Variants in CAND1 observed in about 807,000 individuals in gnomAD.
CAND1 encodes cullin-associated NEDD8-dissociated protein 1.
CAND1 carries 7 observed loss-of-function variants against 108.5 expected under a neutral mutation model. That is an observed-to-expected ratio of 0.06 (90% CI 0.04 to 0.12). The LOEUF is 0.12. Among genes scored for constraint, CAND1 ranks in the 10% least tolerant of loss-of-function variants. The probability of loss-of-function intolerance (pLI) is 1.00; values close to 1 mark genes in which losing one functional copy is unlikely to be tolerated. For missense variants in CAND1, 941 were observed against 1,448.7 expected (o/e 0.65, Z 5.69); for synonymous variants, 534 against 512.0 (o/e 1.04, Z -0.58).
intron 13 of CAND1, 48 bp downstream of exon 13, chr12:67,310,364 C>T (rs763112417): frequency 7.4e-7 from 1 of 1,353,832 alleles, no homozygotes; most frequent in Admixed American, 2.0e-5. Context: ...GAAGACTTTG[C>T]TAGAGCAACT....
chr12:67,280,681 T>G (rs2044611255), intron 1 of CAND1, among the ~76,000 whole-genome samples: 1 of 152,226 alleles, frequency 6.6e-6, no homozygotes, highest in South Asian at 2.1e-4. Flanking sequence ...AGAAATCACT[T>G]TTAAAACAAT....
chr12:67,288,033 A>AT (rs2044688722), intron 2 of CAND1, among the ~76,000 whole-genome samples: 1 of 151,652 alleles, frequency 6.6e-6, no homozygotes, highest in South Asian at 2.1e-4. Flanking sequence ...CTTGGCAAAT[A>AT]TTTTATATAT....
Position 67,316,815 on chromosome 12 carries a change from A to C in CAND1, c.*3985A>C, listed in dbSNP as rs1034499237. 6.6e-6 allele frequency: 1 copy of C among 152,174 alleles called. No individual in the cohort carries two copies. The highest frequency in any genetic ancestry group is 6.5e-5 in the Admixed American group (1 of 15,280). The allele number at this position is 152,174 out of a possible 1,614,324, so 9.4% of individuals were successfully genotyped here. A position where few individuals can be genotyped will look rare whatever the true frequency, so the allele number is the denominator to read the frequency against. ...CAGTAAGTAATGGTTGATGGATATT[A>C]AGTGATTTTAGTCTAGAATGCTCTC... is the stretch of plus-strand genomic sequence containing the variant. On this transcript the variant is annotated 3_prime_UTR_variant, in exon 15 of 15. Transcript: ENST00000545606.
chr12:67,299,583 A>G (rs760482384), intron 7 of CAND1, among the ~76,000 whole-genome samples: 4 of 152,158 alleles, frequency 2.6e-5, no homozygotes, highest in Non-Finnish European at 5.9e-5. Context: ...TTGAAAGAAT[A>G]TTAGTTTGTT....
chr12:67,295,081 C>G lies in CAND1; in HGVS notation c.416C>G (p.Thr139Arg). 6.2e-7 allele frequency: 1 copy of G among 1,613,002 alleles called. No homozygotes were observed. The highest frequency in any genetic ancestry group is 8.5e-7 in the Non-Finnish European group (1 of 1,179,250). ...NVCKKITGRL[T>R]SAIAKQEDVS... is the part of the protein sequence containing the mutation. Reference sequence around the variant, plus strand: ...TGTAAAAAGATTACTGGACGTCTTACAAGTGCAATAGCAAAACAGGAAGAT... The same window carrying G: ...TGTAAAAAGATTACTGGACGTCTTAGAAGTGCAATAGCAAAACAGGAAGAT... The change falls in exon 4 of 15, where the codon ACA (threonine) becomes AGA (arginine). Residue 139 changes from threonine to arginine, a missense_variant. By Grantham distance (71) the Thr-to-Arg change is moderately conservative (BLOSUM62 -1). This residue lies in a region of CAND1 where 697 missense variants were observed against 942.0 expected (regional missense o/e 0.74). Transcript: ENST00000545606.
chr12:67,295,332 CAT>C (rs1010870644), intron 4 of CAND1, among the ~76,000 whole-genome samples, 176 bp downstream of exon 4: 4 of 152,114 alleles, frequency 2.6e-5, no homozygotes, highest in Non-Finnish European at 5.9e-5. Flanking sequence ...ATTACACTAA[CAT>C]ATAAGTATAT....
At chr12:67,286,539 A>G (rs531960939) in intron 2 of CAND1, among the ~76,000 whole-genome samples, 3 of 144,544 alleles carry the variant, frequency 2.1e-5, no homozygotes, top group Non-Finnish European at 1.5e-5. Flanking sequence ...GATGTCAAGA[A>G]CTGTTTCCTG....
chr12:67,269,796 G>A lies in CAND1; in HGVS notation c.68+11G>A. On this transcript the variant is annotated intron_variant, in intron 1 of 14. Transcript: ENST00000545606. ...CGACAAGGACTTTAGGTGAGGCCGA[G>A]ATCCGACCCTCACCCCACCTCGGGG... is the stretch of plus-strand genomic sequence containing the variant. 2.5e-6 allele frequency: 4 copies of A among 1,599,338 alleles called. No homozygotes were observed. The highest frequency in any genetic ancestry group is 3.4e-6 in the Non-Finnish European group (4 of 1,174,474).
In CAND1 at chr12:67,299,021, C is replaced by A; in HGVS notation, c.926C>A (p.Pro309Gln). ...NICLKYLTYD[P>Q]NYNYDDEDED... Reference sequence around the variant, plus strand: ...TGTCTTAAATATCTTACCTATGATCCAAATTATAATTACGATGATGAAGAT... The same window carrying A: ...TGTCTTAAATATCTTACCTATGATCAAAATTATAATTACGATGATGAAGAT... Residue 309 changes from proline (P) to glutamine (Q), a missense_variant, in exon 7 of 15, where the codon CCA becomes CAA. Around this residue, in one of 9 missense-constraint regions of CAND1, gnomAD observed 697 missense variants for 942.0 expected, o/e 0.74. Transcript: ENST00000545606. 1 of 1,500,262 alleles carries A rather than the reference C, an allele frequency of 6.7e-7. No homozygotes were observed. The highest frequency in any genetic ancestry group is 1.1e-5 in the South Asian group (1 of 88,090). 92.9% of individuals were successfully genotyped at this position (1,500,262 alleles called of 1,614,324 possible). A position where few individuals can be genotyped will look rare whatever the true frequency, so the allele number is the denominator to read the frequency against.
In CAND1 at chr12:67,312,780, A is replaced by G. The variant is rs1305091905; in HGVS notation, c.3643A>G (p.Ile1215Val). The G allele has an allele frequency of 1.2e-6, 2 of 1,613,602 alleles. No homozygotes were observed. Among genetic ancestry groups the G allele is most frequent in the Non-Finnish European group, 1.7e-6 (2 of 1,179,742 alleles). The change falls in exon 15 of 15, where the codon ATC (isoleucine) becomes GTC (valine). Residue 1215 changes from isoleucine to valine, a missense_variant. This residue lies in a region of CAND1 where 39 missense variants were observed against 51.3 expected (regional missense o/e 0.76). Coordinates refer to ENST00000545606, the MANE Select transcript of CAND1 (RefSeq NM_018448.5). The part of the protein sequence containing the change: ...NPELAAIFES[I>V]QKDSSSTNLE... ...TGAGCTGGCGGCTATCTTTGAAAGT[A>G]TCCAGAAAGATTCATCATCTACTAA...
chr12:67,311,584 G>A (rs1366595713), intron 13 of CAND1, 109 bp from the exon 14 acceptor site: 2 of 344,144 alleles, frequency 5.8e-6, no homozygotes, highest in Admixed American at 4.5e-5. Context: ...TAAAAGGAAG[G>A]TTTACTTTGC....
chr12:67,288,377 C>G lies in CAND1; in HGVS notation c.213-4245C>G, dbSNP rs184570434. Among the ~76,000 whole-genome samples, 3 of 152,172 alleles carry G rather than the reference C, an allele frequency of 2.0e-5. No homozygotes were observed. In the East Asian group the frequency reaches 5.8e-4, roughly 29 times the overall value. ...TCCTGACCTCAAGTAATCCACCCAC[C>G]TCCGCCTCCCCAAGAGCTGGTATTT... On this transcript the variant is annotated intron_variant, in intron 2 of 14. Coordinates refer to ENST00000545606, the MANE Select transcript of CAND1 (RefSeq NM_018448.5).
At chr12:67,275,053 T>C (rs1470378821) in intron 1 of CAND1, among the ~76,000 whole-genome samples, 1 of 152,112 alleles carries the variant, frequency 6.6e-6, no homozygotes, top group Non-Finnish European at 1.5e-5. Flanking sequence ...CTTAGAAGGT[T>C]GATGGCAGTA....
chr12:67,281,187 GGGC>G (rs1396077136), intron 1 of CAND1, among the ~76,000 whole-genome samples: 5 of 151,452 alleles, frequency 3.3e-5, no homozygotes, highest in Non-Finnish European at 5.9e-5. Context: ...AAAATTAGCT[GGGC>G]GTGGTGACAG....
chr12:67,290,909 G>T (rs1021877305), intron 2 of CAND1, among the ~76,000 whole-genome samples: 1 of 152,152 alleles, frequency 6.6e-6, no homozygotes, highest in Non-Finnish European at 1.5e-5. Context: ...TCTCATAGGA[G>T]CACGAACCCT....
intron 11 of CAND1, 126 bp downstream of exon 11, chr12:67,307,618 T>G (rs1201516260): frequency 1.6e-6 from 1 of 638,838 alleles, no homozygotes; most frequent in African/African-American, 1.8e-5. Context: ...AAAAGAAAAT[T>G]GATATGATCT....
At position 67,269,584 on chromosome 12, in the gene CAND1, C is replaced by A. The variant is rs577421871; in HGVS notation, c.-134C>A. On this transcript the variant is annotated 5_prime_UTR_variant, in exon 1 of 15. Transcript: ENST00000545606. ...GTCGAGGCGCCTCCCTAGTCAGCGT[C>A]GGCGTCGCGCTGCGACCCTGGAAGC... The A allele has an allele frequency of 2.8e-4, 193 of 687,544 alleles. No individual in the cohort carries two copies. In the African/African-American group the frequency reaches 3.4e-3, roughly 12 times the overall value. 42.6% of individuals were successfully genotyped at this position (687,544 alleles called of 1,614,324 possible). A position where few individuals can be genotyped will look rare whatever the true frequency, so the allele number is the denominator to read the frequency against.
intron 8 of CAND1, 41 bp downstream of exon 8, chr12:67,302,656 T>G (rs1176810578): frequency 6.5e-7 from 1 of 1,529,418 alleles, no homozygotes; most frequent in Non-Finnish European, 8.9e-7. Flanking sequence ...TGATAGTAAA[T>G]GCAATGCTTT....
chr12:67,302,581 A>T lies in CAND1; in HGVS notation c.1259A>T (p.Gln420Leu), dbSNP rs761861874. The T allele has an allele frequency of 5.6e-6, 9 of 1,613,724 alleles. No homozygotes were observed. The highest frequency in any genetic ancestry group is 7.6e-6 in the Non-Finnish European group (9 of 1,179,712). Residue 420 changes from glutamine to leucine, a missense_variant, in exon 8 of 15, where the codon CAG (glutamine) becomes CTG (leucine). Gln to Leu is a moderately radical substitution (Grantham distance 113). Coordinates refer to ENST00000545606, the MANE Select transcript of CAND1 (RefSeq NM_018448.5). ...CTATGTGACCCTGATGCAATGGAGC[A>T]GGGAGAAACACCTTTAACAATGCTT... ...SWLCDPDAME[Q>L]GETPLTMLQS...
Sources: allele counts gnomAD v4.1 joint callset (sites outside exome capture counted in the v4.1 genomes callset), GRCh38; gene constraint gnomAD v4.1.1; regional missense constraint gnomAD v4.1.1; transcripts MANE v1.5; gene names NCBI Gene and HGNC (gene_info 2026-07-23, HGNC 2026-07-21).